ALG14: variants seen among roughly 807,000 people sequenced by gnomAD.
ALG14 encodes the protein UDP-N-acetylglucosamine transferase subunit ALG14.
A neutral mutation model predicts 22.8 loss-of-function variants in ALG14; 17 were observed. The ratio of observed to expected loss-of-function variants is 0.75; its 90% CI spans 0.51 to 1.12. The LOEUF (loss-of-function observed/expected upper bound fraction) is 1.12. Ranked by LOEUF, ALG14 falls within the 50% of genes most tolerant of loss-of-function variation. The probability of loss-of-function intolerance (pLI) is 0.00; values close to 1 mark genes in which losing one functional copy is unlikely to be tolerated. For synonymous variants in ALG14, 89 were observed against 103.7 expected (o/e 0.86, Z 0.86); for missense variants, 288 against 271.8 (o/e 1.06, Z -0.42).
intron 3 of ALG14, among the ~76,000 whole-genome samples, chr1:94,992,157 G>A (rs1672791326): frequency 6.6e-6 from 1 of 151,888 alleles, no homozygotes; most frequent in African/African-American, 2.4e-5. Flanking sequence ...TAGTAAATAA[G>A]CCAGTAATAT....
At chr1:95,071,491 T>A (rs1346563723) in intron 1 of ALG14, among the ~76,000 whole-genome samples, 1 of 152,090 alleles carries the variant, frequency 6.6e-6, no homozygotes, top group African/African-American at 2.4e-5. Context: ...TGCAGTGAGC[T>A]GAGACTGCGC....
chr1:95,060,580 A>G (rs561634892), intron 2 of ALG14, among the ~76,000 whole-genome samples: 2 of 151,692 alleles, frequency 1.3e-5, no homozygotes, highest in South Asian at 4.2e-4. Flanking sequence ...GCCAGACATG[A>G]TAGTAGGCAC....
At chr1:95,047,623 T>C (rs944010448) in intron 2 of ALG14, among the ~76,000 whole-genome samples, 1 of 152,156 alleles carries the variant, frequency 6.6e-6, no homozygotes, top group Non-Finnish European at 1.5e-5. Flanking sequence ...GGATTACAGG[T>C]GTGAGCCACA....
chr1:95,070,756 G>A (rs1242761447), intron 1 of ALG14, among the ~76,000 whole-genome samples: 5 of 151,850 alleles, frequency 3.3e-5, no homozygotes, highest in African/African-American at 1.2e-4. Context: ...TTCATTTTGA[G>A]ACAGGGTCTC....
rs12063255 is a variant in ALG14 at position 94,975,849 on chromosome 1, A to C, written c.*7227T>G. 0.081 allele frequency: 12,347 copies of C among 151,634 alleles called. 606 individuals are homozygous for C. Among genetic ancestry groups the C allele is most frequent in the African/African-American group, 0.13 (5,167 of 41,208 alleles). 9.4% of individuals were successfully genotyped at this position (151,634 alleles called of 1,614,324 possible). A position where few individuals can be genotyped will look rare whatever the true frequency, so the allele number is the denominator to read the frequency against. ...CCCTGTCTCTACTAAAAATACAAAA[A>C]AAACAAACAAAAAAAAAATTAGCCG... is the stretch of plus-strand genomic sequence containing the variant. On this transcript the variant is annotated 3_prime_UTR_variant, in exon 4 of 4. Transcript: ENST00000370205.
rs567127338 is a variant in ALG14, at chr1:95,037,745, A to G, written c.289-10485T>C. On this transcript the variant is annotated intron_variant, in intron 2 of 3. Coordinates refer to ENST00000370205, the MANE Select transcript of ALG14 (RefSeq NM_144988.4). ...CCTTTGTCCTTAAAATGGTAAGAAA[A>G]TTGCATTCCTTTTCTTAAAATAAAA... Among the ~76,000 whole-genome samples, 12 of 152,336 alleles carry G rather than the reference A, an allele frequency of 7.9e-5. No homozygotes were observed. In the East Asian group the frequency reaches 2.3e-3, roughly 29 times the overall value.
chr1:95,041,983 T>C (rs1003580187), intron 2 of ALG14, among the ~76,000 whole-genome samples: 10 of 152,178 alleles, frequency 6.6e-5, no homozygotes, highest in Non-Finnish European at 1.5e-4. Context: ...CCTCAAAATA[T>C]TGGTGCTTGT....
intron 2 of ALG14, among the ~76,000 whole-genome samples, chr1:95,039,846 G>A (rs753021030): frequency 2.0e-5 from 3 of 152,028 alleles, no homozygotes; most frequent in Non-Finnish European, 4.4e-5. Flanking sequence ...CAGAAGCCTC[G>A]CTTGACGTTG....
chr1:94,983,298 A>G lies in ALG14; in HGVS notation c.429T>C (p.Cys143=). The G allele has an allele frequency of 6.2e-7, 1 of 1,613,506 alleles. No individual in the cohort carries two copies. The highest frequency in any genetic ancestry group is 8.5e-7 in the Non-Finnish European group (1 of 1,179,690). The change falls in exon 4 of 4, where the codon TGT becomes TGC. Residue 143 remains cysteine (C), a synonymous_variant. Coordinates refer to ENST00000370205, the MANE Select transcript of ALG14 (RefSeq NM_144988.4). ...IHRVKPDLVL[C]NGPGTCVPIC... is the part of the protein sequence containing the mutation. ...TAGGAACACATGTTCCTGGTCCGTT[A>G]CACAACACCTGAAAGAAAAAGTTGA... is the stretch of plus-strand genomic sequence containing the variant.
intron 2 of ALG14, among the ~76,000 whole-genome samples, chr1:95,062,840 G>GT (rs1216184903): frequency 6.6e-6 from 1 of 152,144 alleles, no homozygotes; most frequent in East Asian, 1.9e-4. Flanking sequence ...AGGTCAAGTG[G>GT]TATTTCTGCC....
intron 3 of ALG14, among the ~76,000 whole-genome samples, chr1:94,993,347 AT>A (rs1472152408): frequency 6.8e-6 from 1 of 146,338 alleles, no homozygotes; most frequent in Non-Finnish European, 1.5e-5. Flanking sequence ...TCTTATTTAT[AT>A]TTATATATAG....
At chr1:94,986,903 G>T (rs1345107381) in intron 3 of ALG14, among the ~76,000 whole-genome samples, 1 of 151,874 alleles carries the variant, frequency 6.6e-6, no homozygotes, top group East Asian at 1.9e-4. Flanking sequence ...GAGGATGTAT[G>T]ACTCCAGTCT....
chr1:95,064,573 T>G (rs1675287188), intron 2 of ALG14, among the ~76,000 whole-genome samples: 1 of 152,250 alleles, frequency 6.6e-6, no homozygotes. Flanking sequence ...GTTTATGTGA[T>G]GAATTACATT....
chr1:95,014,256 C>T (rs1366611324), intron 3 of ALG14, among the ~76,000 whole-genome samples: 1 of 152,182 alleles, frequency 6.6e-6, no homozygotes, highest in Non-Finnish European at 1.5e-5. Context: ...AGAGCGTTTG[C>T]TTCCCCTGAC....
At chr1:95,054,584 A>G (rs952778174) in intron 2 of ALG14, among the ~76,000 whole-genome samples, 3 of 152,262 alleles carry the variant, frequency 2.0e-5, no homozygotes, top group Non-Finnish European at 4.4e-5. Flanking sequence ...TATTTATGTC[A>G]ATACATTAGC....
At chr1:94,985,892 GA>G (rs375946092) in intron 3 of ALG14, among the ~76,000 whole-genome samples, 3,410 of 142,490 alleles carry the variant, frequency 0.024, 128 homozygotes, top group African/African-American at 0.082. Flanking sequence ...ATCAAGGACT[GA>G]AAAAAAAAAA....
chr1:95,027,382 C>T, intron 2 of ALG14, 122 bp from the exon 3 acceptor site: 1 of 1,214,272 alleles, frequency 8.2e-7, no homozygotes, highest in South Asian at 1.5e-5. Context: ...ATTCTAACCA[C>T]TTTTAAATTA....
At chr1:95,070,227 C>T (rs1426513074) in intron 1 of ALG14, among the ~76,000 whole-genome samples, 1 of 152,166 alleles carries the variant, frequency 6.6e-6, no homozygotes, top group Non-Finnish European at 1.5e-5. Flanking sequence ...TTAAATTATA[C>T]CCTTTTGTCC....
chr1:95,007,754 A>G (rs531527701), intron 3 of ALG14, among the ~76,000 whole-genome samples: 2 of 152,362 alleles, frequency 1.3e-5, no homozygotes, highest in East Asian at 3.9e-4. Context: ...AAGGAAGCCA[A>G]TCTGACATGA....
Sources: allele counts gnomAD v4.1 joint callset (sites outside exome capture counted in the v4.1 genomes callset), GRCh38; gene constraint gnomAD v4.1.1; transcripts MANE v1.5; gene names NCBI Gene and HGNC (gene_info 2026-07-23, HGNC 2026-07-21).